Variants in PRKN observed in about 807,000 individuals in gnomAD.
PRKN encodes the protein parkin RBR E3 ubiquitin protein ligase.
A neutral mutation model predicts 59.5 loss-of-function variants in PRKN; 56 were observed. The ratio of observed to expected loss-of-function variants is 0.94; its 90% CI spans 0.76 to 1.18. PRKN has a LOEUF of 1.18. PRKN is among the 50% of genes most tolerant of loss of function. The probability of loss-of-function intolerance (pLI) is 0.00; values close to 1 mark genes in which losing one functional copy is unlikely to be tolerated. For missense variants in PRKN, 657 were observed against 596.4 expected (o/e 1.10, Z -1.06); for synonymous variants, 250 against 222.1 (o/e 1.13, Z -1.12).
chr6:161,810,867 C>T (rs949904417), intron 6 of PRKN, among the ~76,000 whole-genome samples: 2 of 152,072 alleles, frequency 1.3e-5, no homozygotes, highest in Non-Finnish European at 2.9e-5. Context: ...AAGGTGGTGT[C>T]TAGCTTTACC....
intron 7 of PRKN, among the ~76,000 whole-genome samples, chr6:161,731,324 T>C (rs1562639657): frequency 6.6e-6 from 1 of 152,246 alleles, no homozygotes; most frequent in Non-Finnish European, 1.5e-5. Flanking sequence ...TGTGAACTAT[T>C]GCCTAGGCCC....
intron 5 of PRKN, among the ~76,000 whole-genome samples, chr6:162,009,569 T>A (rs1432043919): frequency 6.6e-6 from 1 of 151,562 alleles, no homozygotes; most frequent in Non-Finnish European, 1.5e-5. Context: ...GACTCGGAGG[T>A]TTTTTGTAAC....
chr6:162,578,262 T>C (rs1244521391), intron 1 of PRKN, among the ~76,000 whole-genome samples: 3 of 152,156 alleles, frequency 2.0e-5, no homozygotes, highest in Non-Finnish European at 2.9e-5. Context: ...ATATATATAG[T>C]ATAAGCCTCT....
Position 162,459,370 on chromosome 6 carries a change from C to G in PRKN, c.8-15897G>C, listed in dbSNP as rs144781414. 6.3e-3 allele frequency among the ~76,000 whole-genome samples: 953 copies of G among 152,148 alleles called. 9 individuals are homozygous for G. Among genetic ancestry groups the G allele is most frequent in the South Asian group, 0.016 (77 of 4,808 alleles). ...CTAATATTAGTACAAGAAATTACCA[C>G]CTTATATCTTATATTAACTTAGCAA... On this transcript the variant is annotated intron_variant, in intron 1 of 11. Coordinates refer to ENST00000366898, the MANE Select transcript of PRKN (RefSeq NM_004562.3).
chr6:162,401,041 C>T (rs771366150), intron 2 of PRKN, among the ~76,000 whole-genome samples: 2 of 152,170 alleles, frequency 1.3e-5, no homozygotes, highest in African/African-American at 2.4e-5. Context: ...AGGCAACCCA[C>T]GCTGTGCATC....
At chr6:162,014,548 G>A (rs1465783943) in intron 5 of PRKN, among the ~76,000 whole-genome samples, 3 of 152,138 alleles carry the variant, frequency 2.0e-5, no homozygotes, top group South Asian at 2.1e-4. Context: ...ACGCATGTCC[G>A]CACGGATCCA....
intron 4 of PRKN, among the ~76,000 whole-genome samples, chr6:162,157,260 A>G (rs1431190607): frequency 6.6e-6 from 1 of 151,824 alleles, no homozygotes; most frequent in East Asian, 1.9e-4. Context: ...CTGCACAGAA[A>G]AGACAGGATG....
In PRKN at chr6:161,369,290, G is replaced by A. The variant is rs1389041091; in HGVS notation, c.1168-9085C>T. Reference sequence around the variant, plus strand: ...TCCCAAGGCTTGTGTCCAGACTCTGGAGATTGGGATTCAGTAGGTCTGTGG... The same window carrying A: ...TCCCAAGGCTTGTGTCCAGACTCTGAAGATTGGGATTCAGTAGGTCTGTGG... On this transcript the variant is annotated intron_variant, in intron 10 of 11. Transcript: ENST00000366898. This position sits in a 1 kb window ranked among gnomAD's most constrained non-coding sequence, Gnocchi z 5.8. 6.6e-6 allele frequency among the ~76,000 whole-genome samples: 1 copy of A among 152,186 alleles called. No homozygotes were observed. The highest frequency in any genetic ancestry group is 1.5e-5 in the Non-Finnish European group (1 of 68,044).
chr6:161,705,213 A>C (rs1204247433), intron 7 of PRKN, among the ~76,000 whole-genome samples: 1 of 152,198 alleles, frequency 6.6e-6, no homozygotes, highest in East Asian at 1.9e-4. Context: ...TAACTTGAAA[A>C]TATCATAAGT....
At chr6:161,777,749 A>G (rs1023592839) in intron 7 of PRKN, among the ~76,000 whole-genome samples, 1 of 131,974 alleles carries the variant, frequency 7.6e-6, no homozygotes, top group African/African-American at 3.1e-5. Context: ...GTATATATAG[A>G]TATATATGTA....
chr6:161,984,743 A>G (rs781286349), intron 5 of PRKN, among the ~76,000 whole-genome samples: 1 of 152,128 alleles, frequency 6.6e-6, no homozygotes, highest in East Asian at 1.9e-4. Flanking sequence ...TGCTTCCACT[A>G]TGTTTGTTGC....
intron 2 of PRKN, among the ~76,000 whole-genome samples, chr6:162,369,918 T>A (rs1388007639): frequency 6.6e-6 from 1 of 152,136 alleles, no homozygotes; most frequent in Non-Finnish European, 1.5e-5. Context: ...AGCATCCTCG[T>A]CATGGGGTCA....
At chr6:161,504,959 A>G (rs1778104384) in intron 9 of PRKN, among the ~76,000 whole-genome samples, 1 of 144,954 alleles carries the variant, frequency 6.9e-6, no homozygotes. Flanking sequence ...AGTCTTTGCT[A>G]TTGTGAATAG....
chr6:161,416,136 G>A (rs186654947), intron 9 of PRKN, among the ~76,000 whole-genome samples: 172 of 152,212 alleles, frequency 1.1e-3, no homozygotes, highest in African/African-American at 3.8e-3. Context: ...AGAGGTCAGC[G>A]AACCACTTTA....
At chr6:162,376,719 G>A (rs1010202516) in intron 2 of PRKN, among the ~76,000 whole-genome samples, 4 of 140,826 alleles carry the variant, frequency 2.8e-5, no homozygotes, top group African/African-American at 1.0e-4. Context: ...GGGGGAAAGG[G>A]AAGGGGAGAG....
chr6:161,805,352 C>T (rs765200932), intron 6 of PRKN, among the ~76,000 whole-genome samples: 2 of 152,104 alleles, frequency 1.3e-5, no homozygotes, highest in African/African-American at 2.4e-5. Flanking sequence ...ACCTTATACC[C>T]TCATCACATC....
intron 4 of PRKN, among the ~76,000 whole-genome samples, chr6:162,099,322 C>T (rs887275062): frequency 6.6e-6 from 1 of 152,166 alleles, no homozygotes; most frequent in Non-Finnish European, 1.5e-5. Context: ...TCCTACATGA[C>T]TAGTTTTGTT....
chr6:161,699,158 T>C (rs894562125), intron 7 of PRKN, among the ~76,000 whole-genome samples: 1 of 152,052 alleles, frequency 6.6e-6, no homozygotes, highest in African/African-American at 2.4e-5. Context: ...ATTAAGAGAA[T>C]GCAAATTAAA....
At chr6:162,274,289 G>A (rs1230012531) in intron 2 of PRKN, among the ~76,000 whole-genome samples, 6 of 151,890 alleles carry the variant, frequency 4.0e-5, no homozygotes, top group Non-Finnish European at 5.9e-5. Context: ...CAGGGCTCAG[G>A]GGATTCCTAA....
Sources: gnomAD v4.1 joint callset for allele counts (sites outside exome capture counted in the v4.1 genomes callset) on GRCh38, gnomAD v4.1.1 for gene constraint, Gnocchi (gnomAD v3.1) non-coding constraint, MANE v1.5 for transcripts, NCBI Gene and HGNC (gene_info 2026-07-23, HGNC 2026-07-21) for gene names.